The following LONP1 variants were observed in gnomAD, a reference collection of about 807,000 sequenced individuals.
LONP1 encodes lon peptidase 1, mitochondrial, also known as lon protease homolog, mitochondrial.
A neutral mutation model predicts 98.5 loss-of-function variants in LONP1; 31 were observed. The ratio of observed to expected loss-of-function variants is 0.31; its 90% confidence interval spans 0.24 to 0.42. The LOEUF (loss-of-function observed/expected upper bound fraction) is 0.42. Among genes scored for constraint, LONP1 ranks in the 20% least tolerant of loss-of-function variants. The pLI is 1.00. For synonymous variants in LONP1, 781 were observed against 594.7 expected, an observed-to-expected ratio of 1.31 and a Z score of -4.56; for missense variants, 1,336 against 1,350.6, an observed-to-expected ratio of 0.99 and a Z score of 0.17.
intron 3 of LONP1, 52 bp downstream of exon 3, chr19:5,713,082 T>C: frequency 1.9e-6 from 3 of 1,611,888 alleles, no homozygotes; most frequent in Non-Finnish European, 1.7e-6. Context: ...CTGGCTGGTC[T>C]CCCGCGTGGT....
At chr19:5,697,327 G>C (rs946848765) in intron 10 of LONP1, among the ~76,000 whole-genome samples, 3 of 151,874 alleles carry the variant, frequency 2.0e-5, no homozygotes, top group Non-Finnish European at 2.9e-5. Flanking sequence ...AGTGTGCAGG[G>C]GGGTAAGGAG....
At chr19:5,712,660 CTTT>C (rs1225145162) in intron 3 of LONP1, among the ~76,000 whole-genome samples, 1 of 152,116 alleles carries the variant, frequency 6.6e-6, no homozygotes, top group Non-Finnish European at 1.5e-5. Context: ...TCACATCTAA[CTTT>C]TTATTATTTT....
Position 5,692,191 on chromosome 19 carries a change from C to A in LONP1, c.2721G>T (p.Val907=). The change falls in exon 18 of 18, where the codon GTG becomes GTT. Residue 907 remains valine, a synonymous_variant. Transcript: ENST00000360614. ...TCTCGGCTGGCAGGACGATGCACGTCACCCCTGCGCGCTTGGCCTGGGGGC... is the reference window on the plus strand; with the variant it reads ...TCTCGGCTGGCAGGACGATGCACGTAACCCCTGCGCGCTTGGCCTGGGGGC... ...EKTIAAKRAG[V]TCIVLPAENK... is the part of the protein sequence containing the mutation. The A allele has an allele frequency of 1.2e-6, 2 of 1,613,054 alleles. No homozygotes were observed. The highest frequency in any genetic ancestry group is 1.7e-6 in the Non-Finnish European group (2 of 1,179,318).
intron 4 of LONP1, among the ~76,000 whole-genome samples, chr19:5,711,185 G>A (rs1486945892): frequency 6.6e-6 from 1 of 152,214 alleles, no homozygotes; most frequent in Non-Finnish European, 1.5e-5. Context: ...CCTAGGCCCT[G>A]CAGCAGCCTG....
chr19:5,719,819 TC>T lies in LONP1; in HGVS notation c.313del (p.Glu105LysfsTer5). On this transcript the variant is annotated frameshift_variant, in exon 1 of 18. Transcript: ENST00000360614. LOFTEE classifies it high-confidence loss of function. ...GGAGGSAGAG[E>X]GPVITALTPM... ...CGTGAGCGCCGTTATGACCGGGCCTTCCCCGGCGCCCGCGCTGCCCCCCGCG... is the reference window on the plus strand; with the variant it reads ...CGTGAGCGCCGTTATGACCGGGCCTTCCCGGCGCCCGCGCTGCCCCCCGCG... The T allele has an allele frequency of 6.2e-7, 1 of 1,610,904 alleles. No individual in the cohort carries two copies. The highest frequency in any genetic ancestry group is 8.5e-7 in the Non-Finnish European group (1 of 1,179,316).
intron 10 of LONP1, 35 bp downstream of exon 10, chr19:5,698,992 G>A (rs2054993151): frequency 1.9e-6 from 3 of 1,573,126 alleles, no homozygotes; most frequent in African/African-American, 1.4e-5. Flanking sequence ...ACAGCTGAGG[G>A]GAGTGCGTGG....
chr19:5,703,576 C>T (rs1366034365), intron 8 of LONP1, among the ~76,000 whole-genome samples: 1 of 151,768 alleles, frequency 6.6e-6, no homozygotes, highest in Admixed American at 6.6e-5. Flanking sequence ...CGAGGAAGGG[C>T]CAGGCGGCCC....
Position 5,719,749 on chromosome 19 carries a change from G to A in LONP1, c.384C>T (p.Ala128=). 2.5e-6 allele frequency: 4 copies of A among 1,613,840 alleles called. No individual in the cohort carries two copies. Among genetic ancestry groups the A allele is most frequent in the Non-Finnish European group, 2.5e-6 (3 of 1,180,022 alleles). The part of the protein sequence containing the change: ...PDVFPHLPLI[A]ITRNPVFPRF... The stretch of plus-strand genomic sequence containing the variant: ...GCGGGAACACCGGGTTGCGGGTGAT[G>A]GCGATGAGCGGCAGGTGCGGAAACA... The change falls in exon 1 of 18, where the codon GCC becomes GCT. Residue 128 remains alanine (A), a synonymous_variant. Coordinates refer to ENST00000360614, the MANE Select transcript of LONP1 (RefSeq NM_004793.4).
intron 13 of LONP1, 47 bp downstream of exon 13, chr19:5,696,007 C>A: frequency 6.5e-7 from 1 of 1,541,800 alleles, no homozygotes; most frequent in South Asian, 1.1e-5. Flanking sequence ...CTGGGGGGCG[C>A]CCCCTGCTCT....
intron 8 of LONP1, among the ~76,000 whole-genome samples, chr19:5,701,459 T>G (rs1050116109): frequency 2.0e-5 from 3 of 152,180 alleles, no homozygotes; most frequent in African/African-American, 7.2e-5. Context: ...GCCTGCCGAG[T>G]GCCTGCGATT....
intron 17 of LONP1, 148 bp downstream of exon 17, chr19:5,693,150 A>AG: frequency 1.0e-6 from 1 of 959,404 alleles, no homozygotes; most frequent in Non-Finnish European, 1.5e-6. Flanking sequence ...GGTGAGCTTA[A>AG]GGCCAGCTCC....
chr19:5,711,286 G>A (rs2055233241), intron 4 of LONP1, among the ~76,000 whole-genome samples: 1 of 152,244 alleles, frequency 6.6e-6, no homozygotes, highest in South Asian at 2.1e-4. Context: ...TACAGCGGGA[G>A]GGCAGGTGGC....
intron 4 of LONP1, among the ~76,000 whole-genome samples, chr19:5,710,813 G>C (rs902754166): frequency 6.6e-6 from 1 of 152,170 alleles, no homozygotes; most frequent in African/African-American, 2.4e-5. Flanking sequence ...ATCACCCGAG[G>C]TCAGGAGTTT....
At chr19:5,710,232 A>G (rs1362294990) in intron 4 of LONP1, among the ~76,000 whole-genome samples, 2 of 151,450 alleles carry the variant, frequency 1.3e-5, no homozygotes, top group Non-Finnish European at 2.9e-5. Flanking sequence ...TTACAGGCAT[A>G]AGCCACCACA....
intron 9 of LONP1, among the ~76,000 whole-genome samples, chr19:5,700,054 T>C (rs968483274): frequency 5.3e-5 from 8 of 152,142 alleles, no homozygotes; most frequent in Non-Finnish European, 1.2e-4. Context: ...TCCTCCCACC[T>C]CAGCCTCCCA....
At chr19:5,718,290 C>A (rs1421399515) in intron 1 of LONP1, among the ~76,000 whole-genome samples, 6 of 151,978 alleles carry the variant, frequency 3.9e-5, no homozygotes, top group Non-Finnish European at 8.8e-5. Context: ...CGAGCGTGGG[C>A]AACATGGTGA....
Position 5,720,007 on chromosome 19 carries a change from G to A in LONP1, c.126C>T (p.Gly42=), listed in dbSNP as rs1479634514. The A allele has an allele frequency of 1.3e-6, 2 of 1,574,888 alleles. No individual in the cohort carries two copies. The highest frequency in any genetic ancestry group is 8.6e-7 in the Non-Finnish European group (1 of 1,163,088). ...PTAAGAWLLR[G]QRTCDASPPW... ...GAGGAGAGGCGTCGCAGGTCCGCTGGCCTCGGAGCAACCACGCTCCTGCTG... is the reference window on the plus strand; with the variant it reads ...GAGGAGAGGCGTCGCAGGTCCGCTGACCTCGGAGCAACCACGCTCCTGCTG... Residue 42 remains glycine (G), a synonymous_variant, in exon 1 of 18, where the codon GGC becomes GGT. Coordinates refer to ENST00000360614, the MANE Select transcript of LONP1 (RefSeq NM_004793.4).
At chr19:5,698,419 C>T (rs902461190) in intron 10 of LONP1, among the ~76,000 whole-genome samples, 2 of 152,200 alleles carry the variant, frequency 1.3e-5, no homozygotes, top group Admixed American at 6.5e-5. Flanking sequence ...CAGAGGCTGG[C>T]GAGGAGGGAA....
intron 4 of LONP1, among the ~76,000 whole-genome samples, chr19:5,710,308 C>G (rs1170694059): frequency 6.6e-6 from 1 of 151,920 alleles, no homozygotes; most frequent in Non-Finnish European, 1.5e-5. Flanking sequence ...AGGCTGGTCT[C>G]AAACTCCTGA....
Sources: allele counts gnomAD v4.1 joint callset (sites outside exome capture counted in the v4.1 genomes callset), GRCh38; gene constraint gnomAD v4.1.1; transcripts MANE v1.5; gene names NCBI Gene and HGNC (gene_info 2026-07-23, HGNC 2026-07-21).